SIPA1L1: variants seen among roughly 807,000 people sequenced by gnomAD.
The protein encoded by SIPA1L1 is signal-induced proliferation-associated 1-like protein 1.
In SIPA1L1, 26 loss-of-function variants were observed where a neutral mutation model predicts 162.7. That is an observed-to-expected ratio of 0.16 (90% CI 0.12 to 0.22). The LOEUF (loss-of-function observed/expected upper bound fraction) is 0.22, where lower values mean the gene tolerates loss of function less well. Ranked by LOEUF, SIPA1L1 falls within the 10% of genes least tolerant of loss-of-function variation. SIPA1L1 has a pLI of 1.00. For synonymous variants in SIPA1L1, 829 were observed against 837.4 expected (o/e 0.99, Z 0.17); for missense variants, 1,874 against 2,241.0 (o/e 0.84, Z 3.31).
chr14:71,581,754 A>G (rs2033961055), intron 4 of SIPA1L1, among the ~76,000 whole-genome samples: 1 of 152,140 alleles, frequency 6.6e-6, no homozygotes, highest in Non-Finnish European at 1.5e-5. Context: ...GGAAACTCTC[A>G]ATGCCCCCAA....
intron 4 of SIPA1L1, among the ~76,000 whole-genome samples, chr14:71,541,855 G>A (rs1294549044): frequency 1.3e-5 from 2 of 152,148 alleles, no homozygotes; most frequent in East Asian, 1.9e-4. Flanking sequence ...CAGTTATTGT[G>A]TCATTATTTT....
chr14:71,530,088 A>C lies in SIPA1L1; in HGVS notation c.-303+718A>C, dbSNP rs78383741. 3.3e-5 allele frequency among the ~76,000 whole-genome samples: 5 copies of C among 152,284 alleles called. No homozygotes were observed. The East Asian group carries it at 5.8e-4, about 18-fold the overall frequency. Reference sequence around the variant, plus strand: ...GAGCCAATACATTTCCTTTTTATTTAAGCCAGTTTGAGTTAGGAGCCAAAA... The same window carrying C: ...GAGCCAATACATTTCCTTTTTATTTCAGCCAGTTTGAGTTAGGAGCCAAAA... On this transcript the variant is annotated intron_variant, in intron 4 of 23. Coordinates refer to ENST00000381232, the MANE Select transcript of SIPA1L1 (RefSeq NM_001386936.1).
intron 5 of SIPA1L1, among the ~76,000 whole-genome samples, chr14:71,604,001 A>T (rs1037859773): frequency 2.1e-5 from 3 of 140,350 alleles, no homozygotes; most frequent in Non-Finnish European, 4.6e-5. Flanking sequence ...ATATATATAA[A>T]TTTTTTTTTT....
intron 2 of SIPA1L1, among the ~76,000 whole-genome samples, chr14:71,509,615 G>A (rs1213581879): frequency 6.6e-6 from 1 of 151,884 alleles, no homozygotes; most frequent in Non-Finnish European, 1.5e-5. Flanking sequence ...GTGGTGGCAG[G>A]TGCCTGTAAT....
At chr14:71,698,494 T>A (rs1335974799) in intron 13 of SIPA1L1, among the ~76,000 whole-genome samples, 1 of 152,206 alleles carries the variant, frequency 6.6e-6, no homozygotes, top group Non-Finnish European at 1.5e-5. Flanking sequence ...AAATACTAAA[T>A]AGCAAAATCT....
intron 2 of SIPA1L1, among the ~76,000 whole-genome samples, chr14:71,387,876 C>G (rs2040460487): frequency 6.6e-6 from 1 of 152,194 alleles, no homozygotes; most frequent in South Asian, 2.1e-4. Flanking sequence ...AAATAAAAAC[C>G]TAAGGCAGAT....
chr14:71,360,110 T>G (rs1465530108), intron 2 of SIPA1L1, among the ~76,000 whole-genome samples: 1 of 152,204 alleles, frequency 6.6e-6, no homozygotes, highest in Non-Finnish European at 1.5e-5. Flanking sequence ...ACATTTCTAC[T>G]AATCTAAACT....
chr14:71,517,627 T>C lies in SIPA1L1; in HGVS notation c.-362+4782T>C, dbSNP rs2051872674. Reference sequence around the variant, plus strand: ...CTGCCTTTCAAAGTGATTGTACCAATGTACATTCCCACCAGAGCATCTGAA... The same window carrying C: ...CTGCCTTTCAAAGTGATTGTACCAACGTACATTCCCACCAGAGCATCTGAA... On this transcript the variant is annotated intron_variant, in intron 3 of 23. Transcript: ENST00000381232. 2.0e-5 allele frequency among the ~76,000 whole-genome samples: 3 copies of C among 152,220 alleles called. No individual in the cohort carries two copies. The East Asian group carries it at 5.8e-4, about 29-fold the overall frequency.
intron 2 of SIPA1L1, among the ~76,000 whole-genome samples, chr14:71,471,596 GAAAC>G (rs1168122805): frequency 2.6e-5 from 4 of 152,342 alleles, no homozygotes; most frequent in South Asian, 2.1e-4. Context: ...AGAAGACAGG[GAAAC>G]AAACAGAGAG....
intron 5 of SIPA1L1, chr14:71,598,256 A>G (rs1229772790): frequency 3.1e-6 from 3 of 983,074 alleles, no homozygotes; most frequent in Admixed American, 6.1e-5. Context: ...ACTGGACACA[A>G]CTGATGGAAG....
intron 10 of SIPA1L1, among the ~76,000 whole-genome samples, chr14:71,666,717 G>T (rs2044037770): frequency 6.6e-6 from 1 of 151,972 alleles, no homozygotes; most frequent in South Asian, 2.1e-4. Flanking sequence ...AGTACAAAAA[G>T]CACTTGGAAT....
At chr14:71,382,202 G>A (rs1202609771) in intron 2 of SIPA1L1, among the ~76,000 whole-genome samples, 2 of 152,188 alleles carry the variant, frequency 1.3e-5, no homozygotes, top group African/African-American at 2.4e-5. Flanking sequence ...GGTAATTTCT[G>A]GATTAGGTGC....
chr14:71,655,190 T>C lies in SIPA1L1; in HGVS notation c.1994-3143T>C, dbSNP rs116820098. On this transcript the variant is annotated intron_variant, in intron 8 of 23. Coordinates refer to ENST00000381232, the MANE Select transcript of SIPA1L1 (RefSeq NM_001386936.1). ...TTTATGTTCATGTGTACCCATTGTTTAGCTCCTGCTTGTAAGTGAAAACAT... is the reference window on the plus strand; with the variant it reads ...TTTATGTTCATGTGTACCCATTGTTCAGCTCCTGCTTGTAAGTGAAAACAT... 3.3e-3 allele frequency among the ~76,000 whole-genome samples: 507 copies of C among 152,274 alleles called. 2 individuals are homozygous for C. Among genetic ancestry groups the C allele is most frequent in the African/African-American group, 0.012 (498 of 41,554 alleles).
At chr14:71,476,349 G>A (rs1214054188) in intron 2 of SIPA1L1, among the ~76,000 whole-genome samples, 1 of 152,180 alleles carries the variant, frequency 6.6e-6, no homozygotes, top group Non-Finnish European at 1.5e-5. Flanking sequence ...GGCAAGAACT[G>A]TTGGGCTCTG....
At chr14:71,530,350 C>CGGT (rs2053307856) in intron 4 of SIPA1L1, among the ~76,000 whole-genome samples, 1 of 151,394 alleles carries the variant, frequency 6.6e-6, no homozygotes, top group Non-Finnish European at 1.5e-5. Context: ...CACCCCCACA[C>CGGT]CCCCAGAAGG....
chr14:71,466,335 G>A (rs2046992404), intron 2 of SIPA1L1, among the ~76,000 whole-genome samples: 1 of 152,140 alleles, frequency 6.6e-6, no homozygotes, highest in African/African-American at 2.4e-5. Context: ...ACACAGTGAG[G>A]ACTACTGGGA....
At chr14:71,416,292 A>G (rs2042755503) in intron 2 of SIPA1L1, 1 of 152,216 alleles carries the variant, frequency 6.6e-6, no homozygotes, top group Non-Finnish European at 1.5e-5. Flanking sequence ...AGTCCAGACA[A>G]TATCAAGAAC....
chr14:71,415,561 T>G (rs530550465), intron 2 of SIPA1L1, among the ~76,000 whole-genome samples: 8 of 152,330 alleles, frequency 5.3e-5, no homozygotes, highest in African/African-American at 1.9e-4. Context: ...GGAAGAAAAG[T>G]CAGTACATAT....
intron 5 of SIPA1L1, among the ~76,000 whole-genome samples, chr14:71,612,422 A>G (rs924411340): frequency 3.3e-5 from 5 of 152,166 alleles, no homozygotes; most frequent in African/African-American, 1.2e-4. Context: ...TCTTTGATTC[A>G]TGTTTATGAT....
Sources: allele counts gnomAD v4.1 joint callset (sites outside exome capture counted in the v4.1 genomes callset), GRCh38; gene constraint gnomAD v4.1.1; transcripts MANE v1.5; gene names NCBI Gene and HGNC (gene_info 2026-07-23, HGNC 2026-07-21).